The following SERPINB2 variants were observed in gnomAD, a reference collection of about 807,000 sequenced individuals.
SERPINB2 encodes serpin family B member 2, also known as plasminogen activator inhibitor 2.
Under a neutral mutation model 39.4 loss-of-function variants are expected in SERPINB2, and 28 were observed. The observed-to-expected ratio is 0.71, with a 90% CI of 0.53 to 0.97. The LOEUF (loss-of-function observed/expected upper bound fraction) is 0.97, where lower values mean the gene tolerates loss of function less well. SERPINB2 is among the 50% of genes least tolerant of loss of function. The pLI is 0.00. For missense variants in SERPINB2, 557 were observed against 505.3 expected (o/e 1.10, Z -0.98); for synonymous variants, 209 against 175.1 (o/e 1.19, Z -1.53).
At chr18:63,893,014 C>T (rs761131749) in intron 2 of SERPINB2, among the ~76,000 whole-genome samples, 1 of 152,036 alleles carries the variant, frequency 6.6e-6, no homozygotes, top group Non-Finnish European at 1.5e-5. Context: ...CTCACTACAA[C>T]CTCCAACTCC....
In SERPINB2 at chr18:63,891,419, CCT is replaced by C; in HGVS notation, c.-9-12_-9-11del. On this transcript the variant is annotated splice_polypyrimidine_tract_variant and intron_variant, in intron 1 of 7. Transcript: ENST00000299502. ...TATGTTTCAGAGCTGTTTTTTTCTT[CCT>C]CTCTTTGCTTCTAGATTGAAACAAT... 6.2e-7 allele frequency: 1 copy of C among 1,609,072 alleles called. No individual in the cohort carries two copies. The highest frequency in any genetic ancestry group is 8.5e-7 in the Non-Finnish European group (1 of 1,178,040).
intron 5 of SERPINB2, 95 bp from the exon 6 acceptor site, chr18:63,901,645 T>C (rs756240164): frequency 6.1e-4 from 522 of 850,490 alleles, no homozygotes; most frequent in Non-Finnish European, 8.4e-4. Flanking sequence ...ACTCTGCAAT[T>C]TGAAGAATTT....
chr18:63,898,907 G>A (rs1427660647), intron 5 of SERPINB2, among the ~76,000 whole-genome samples: 1 of 151,982 alleles, frequency 6.6e-6, no homozygotes, highest in Non-Finnish European at 1.5e-5. Context: ...GGAAGGAGGT[G>A]AAATTAAAGA....
At chr18:63,901,656 A>G (rs749429264) in intron 5 of SERPINB2, 84 bp from the exon 6 acceptor site, 82 of 945,690 alleles carry the variant, frequency 8.7e-5, no homozygotes, top group Non-Finnish European at 3.0e-5. Context: ...TGAAGAATTT[A>G]GTTTGATGGC....
intron 7 of SERPINB2, 115 bp from the exon 8 acceptor site, chr18:63,902,786 T>C: frequency 1.6e-6 from 2 of 1,214,162 alleles, no homozygotes; most frequent in Non-Finnish European, 2.2e-6. Context: ...ACTTTCTATA[T>C]CACCCACAAT....
In SERPINB2 at chr18:63,897,204, T is replaced by C; in HGVS notation, c.402T>C (p.Ser134=). 1 of 1,609,558 alleles carries C rather than the reference T, an allele frequency of 6.2e-7. No individual in the cohort carries two copies. The highest frequency in any genetic ancestry group is 8.5e-7 in the Non-Finnish European group (1 of 1,178,270). ...ESVNKLFGEK[S]ASFREEYIRL... ...TCAATAAGCTGTTTGGTGAGAAGTC[T>C]GCGAGCTTCCGGGAAGTAAGTGAAA... Residue 134 remains serine, a synonymous_variant, in exon 4 of 8, where the codon TCT becomes TCC. Transcript: ENST00000299502.
intron 1 of SERPINB2, among the ~76,000 whole-genome samples, chr18:63,891,158 G>A (rs562948171): frequency 7.9e-5 from 12 of 152,216 alleles, no homozygotes; most frequent in South Asian, 2.1e-4. Flanking sequence ...AATTTACAGC[G>A]TCTGGTGCAC....
rs751114142 is a variant in SERPINB2 at position 63,901,801 on chromosome 18, G to A, written c.597G>A (p.Val199=). Residue 199 remains valine (V), a synonymous_variant, in exon 6 of 8, where the codon GTG becomes GTA. Transcript: ENST00000299502. The part of the protein sequence containing the change: ...SVDGDTRMVL[V]NAVYFKGKWK... ...ATGGGGATACCAGGATGGTCCTGGTGAATGCTGTCTACTTCAAAGGAAAGT... is the reference window on the plus strand; with the variant it reads ...ATGGGGATACCAGGATGGTCCTGGTAAATGCTGTCTACTTCAAAGGAAAGT... The A allele has an allele frequency of 6.3e-7, 1 of 1,599,996 alleles. No homozygotes were observed. Among genetic ancestry groups the A allele is most frequent in the Admixed American group, 1.8e-5 (1 of 55,844 alleles).
chr18:63,887,986 G>A (rs187825000), intron 1 of SERPINB2, among the ~76,000 whole-genome samples: 34 of 152,296 alleles, frequency 2.2e-4, no homozygotes, highest in African/African-American at 8.2e-4. Context: ...AATCTCAGAA[G>A]CCAACAAATA....
intron 6 of SERPINB2, 110 bp from the exon 7 acceptor site, chr18:63,902,294 A>G: frequency 2.0e-6 from 2 of 982,840 alleles, no homozygotes; most frequent in South Asian, 4.4e-5. Context: ...TGATTTAAAA[A>G]AATCACATTT....
intron 5 of SERPINB2, among the ~76,000 whole-genome samples, chr18:63,900,524 A>G (rs1303301657): frequency 6.6e-6 from 1 of 152,168 alleles, no homozygotes; most frequent in Non-Finnish European, 1.5e-5. Flanking sequence ...CACTGTGCTG[A>G]GAGGCACAGC....
intron 1 of SERPINB2, among the ~76,000 whole-genome samples, chr18:63,889,005 T>C (rs1456377762): frequency 3.3e-5 from 5 of 152,214 alleles, no homozygotes; most frequent in Admixed American, 1.3e-4. Flanking sequence ...TTCATAGATT[T>C]CTAAAATTAT....
At position 63,903,239 on chromosome 18, in the gene SERPINB2, T is replaced by A; in HGVS notation, c.1182T>A (p.Phe394Leu). The A allele has an allele frequency of 5.6e-6, 9 of 1,596,408 alleles. No homozygotes were observed. The highest frequency in any genetic ancestry group is 7.7e-6 in the Non-Finnish European group (9 of 1,173,370). ...CACAGTTTGTGGCAGATCATCCTTTTCTTTTTCTTATTATGCATAAGATAA... is the reference window on the plus strand; with the variant it reads ...CACAGTTTGTGGCAGATCATCCTTTACTTTTTCTTATTATGCATAAGATAA... ...GGPQFVADHP[F>L]LFLIMHKITN... is the part of the protein sequence containing the mutation. The change falls in exon 8 of 8, where the codon TTT becomes TTA. Residue 394 changes from phenylalanine (F) to leucine (L), a missense_variant. Phe to Leu is a conservative substitution (Grantham distance 22, BLOSUM62 0). Transcript: ENST00000299502.
intron 7 of SERPINB2, 139 bp downstream of exon 7, chr18:63,902,707 T>C (rs1282898427): frequency 2.9e-5 from 30 of 1,050,178 alleles, no homozygotes; most frequent in Non-Finnish European, 4.0e-5. Flanking sequence ...GGCATGCCTC[T>C]ACATTTCATT....
intron 5 of SERPINB2, among the ~76,000 whole-genome samples, chr18:63,901,135 A>G (rs560073930): frequency 2.6e-5 from 4 of 152,156 alleles, no homozygotes; most frequent in African/African-American, 9.6e-5. Context: ...CCTTCTCTGT[A>G]TGATCATAGT....
intron 2 of SERPINB2, among the ~76,000 whole-genome samples, chr18:63,894,746 G>T (rs772988633): frequency 4.6e-5 from 7 of 152,244 alleles, no homozygotes; most frequent in Admixed American, 3.3e-4. Flanking sequence ...ATTTCTCTGT[G>T]TATGAATATG....
intron 2 of SERPINB2, 88 bp from the exon 3 acceptor site, chr18:63,895,176 C>A (rs948239805): frequency 2.0e-6 from 3 of 1,510,298 alleles, no homozygotes; most frequent in Middle Eastern, 3.5e-4. Context: ...GATCTAGGAC[C>A]ATTTTAGAGC....
At chr18:63,892,193 G>A (rs1398680237) in intron 2 of SERPINB2, among the ~76,000 whole-genome samples, 1 of 152,014 alleles carries the variant, frequency 6.6e-6, no homozygotes, top group Non-Finnish European at 1.5e-5. Flanking sequence ...AGAAGATCAT[G>A]CCTGTGAGGT....
chr18:63,890,462 T>C (rs943510720), intron 1 of SERPINB2: 4 of 152,240 alleles, frequency 2.6e-5, no homozygotes, highest in African/African-American at 9.6e-5. Context: ...TCGGGTATGT[T>C]GCAAGCTATG....
Sources: allele counts gnomAD v4.1 joint callset (sites outside exome capture counted in the v4.1 genomes callset), GRCh38; gene constraint gnomAD v4.1.1; transcripts MANE v1.5; gene names NCBI Gene and HGNC (gene_info 2026-07-23, HGNC 2026-07-21).